Variants in QSOX2 observed in about 807,000 individuals in gnomAD.
QSOX2 encodes the protein sulfhydryl oxidase 2.
Under a neutral mutation model 61.7 loss-of-function variants are expected in QSOX2, and 46 were observed. That is an observed-to-expected ratio of 0.75 (90% CI 0.59 to 0.95). QSOX2 has a LOEUF of 0.95. Among genes scored for constraint, QSOX2 ranks in the 40% least tolerant of loss-of-function variants. QSOX2 has a pLI of 0.00. For missense variants in QSOX2, 879 were observed against 918.9 expected (o/e 0.96, Z 0.56); for synonymous variants, 383 against 388.4 (o/e 0.99, Z 0.16).
intron 1 of QSOX2, among the ~76,000 whole-genome samples, chr9:136,239,792 C>T (rs546889554): frequency 6.6e-6 from 1 of 152,118 alleles, no homozygotes; most frequent in Non-Finnish European, 1.5e-5. Flanking sequence ...CAGGGAAGGC[C>T]GAGCAGATGA....
chr9:136,211,422 T>C lies in QSOX2; in HGVS notation c.1391A>G (p.Gln464Arg). 6.2e-7 allele frequency: 1 copy of C among 1,614,130 alleles called. No homozygotes were observed. ...GGTGTGAACGTACCTCCTCATTGTC[T>C]GCAGCACAGCCTGGGGGTCGTCTTC... ...GFEDDPQAVLQTMRRYVHTFF... is the reference protein window; with the variant it reads ...GFEDDPQAVLRTMRRYVHTFF... The change falls in exon 11 of 12, where the codon CAG becomes CGG. Residue 464 changes from glutamine to arginine, a missense_variant. Physicochemically the swap from Gln to Arg is conservative, Grantham distance 43 (BLOSUM62 1). Transcript: ENST00000358701.
In QSOX2 at chr9:136,223,982, C is replaced by A. The variant is rs775034094; in HGVS notation, c.584+25G>T. The A allele has an allele frequency of 2.1e-5, 33 of 1,601,472 alleles. No homozygotes were observed. Among genetic ancestry groups the A allele is most frequent in the Middle Eastern group, 1.7e-4 (1 of 6,036 alleles). ...GCACAGTTCAACACGAGTCTAACGGCCGCCTTCTTCATGGAGCTACTCACT... is the reference window on the plus strand; with the variant it reads ...GCACAGTTCAACACGAGTCTAACGGACGCCTTCTTCATGGAGCTACTCACT... On this transcript the variant is annotated intron_variant, in intron 4 of 11. Coordinates refer to ENST00000358701, the MANE Select transcript of QSOX2 (RefSeq NM_181701.4). The surrounding 1 kb of genome is among the most constrained non-coding windows in gnomAD (Gnocchi z 4.4).
At position 136,213,921 on chromosome 9, in the gene QSOX2, C is replaced by G. The variant is rs543681954; in HGVS notation, c.1360+1233G>C. The stretch of plus-strand genomic sequence containing the variant: ...CAAGCAGCAACTCACAGAAGAACCG[C>G]CCAGCCGAGCCCAGCCCAAACTGCT... On this transcript the variant is annotated intron_variant, in intron 10 of 11. Transcript: ENST00000358701. Among the ~76,000 whole-genome samples the G allele has an allele frequency of 1.9e-3, 283 of 152,214 alleles. 1 individual carries two copies. Among genetic ancestry groups the G allele is most frequent in the African/African-American group, 6.6e-3 (272 of 41,520 alleles).
chr9:136,224,252 A>G lies in QSOX2; in HGVS notation c.479-140T>C, dbSNP rs995576498. ...GGTGGCAGCAACATGTGCAATCCCA[A>G]TGGGTGTGCCCAATGCCACCCACAG... On this transcript the variant is annotated intron_variant, in intron 3 of 11. Transcript: ENST00000358701. 27 of 643,780 alleles carry G rather than the reference A, an allele frequency of 4.2e-5. No homozygotes were observed. In the Middle Eastern group the frequency reaches 1.7e-3, roughly 40 times the overall value. The allele number at this position is 643,780 out of a possible 1,614,324, so 39.9% of individuals were successfully genotyped here.
intron 11 of QSOX2, chr9:136,210,697 GT>G (rs1342092208): frequency 2.0e-6 from 2 of 985,122 alleles, no homozygotes; most frequent in Non-Finnish European, 2.4e-6. Context: ...AAAACCAATA[GT>G]TTAGTGGCAT....
At chr9:136,224,482 C>T (rs550131432) in intron 3 of QSOX2, among the ~76,000 whole-genome samples, 1 of 152,186 alleles carries the variant, frequency 6.6e-6, no homozygotes, top group South Asian at 2.1e-4. Flanking sequence ...CCACCGGGTC[C>T]CTCACAGGCA....
intron 1 of QSOX2, among the ~76,000 whole-genome samples, chr9:136,235,825 G>A (rs555838938): frequency 2.0e-5 from 3 of 152,270 alleles, no homozygotes; most frequent in Admixed American, 2.0e-4. Flanking sequence ...CCAAGACCAC[G>A]GACTCCGGGC....
At chr9:136,235,290 C>T (rs1418755020) in intron 1 of QSOX2, among the ~76,000 whole-genome samples, 3 of 152,244 alleles carry the variant, frequency 2.0e-5, no homozygotes, top group African/African-American at 7.2e-5. Flanking sequence ...CACTCAAAGG[C>T]CACGTCCCCA....
chr9:136,212,290 C>G (rs142125593), intron 10 of QSOX2, among the ~76,000 whole-genome samples: 5 of 152,198 alleles, frequency 3.3e-5, no homozygotes, highest in African/African-American at 9.6e-5. Context: ...GGAGCTTGAA[C>G]GCACAGATAG....
Position 136,223,838 on chromosome 9 carries a change from A to C in QSOX2, c.600T>G (p.Leu200=), listed in dbSNP as rs1383296662. Residue 200 remains leucine, a synonymous_variant, in exon 5 of 12, where the codon CTT becomes CTG. Transcript: ENST00000358701. The surrounding 1 kb of genome is among the most constrained non-coding windows in gnomAD (Gnocchi z 4.4). ...RLDPIQPSDV[L]SLLDNRGSHY... ...GGCTGCCACGGTTGTCAAGAAGGGA[A>C]AGAACATCACTGGGCCTTTCAAGAG... 6.2e-7 allele frequency: 1 copy of C among 1,614,114 alleles called. No individual in the cohort carries two copies. Among genetic ancestry groups the C allele is most frequent in the Admixed American group, 1.7e-5 (1 of 60,022 alleles).
intron 9 of QSOX2, among the ~76,000 whole-genome samples, chr9:136,216,020 C>T (rs1277819295): frequency 6.6e-6 from 1 of 152,202 alleles, no homozygotes; most frequent in African/African-American, 2.4e-5. Context: ...CACGGCACGA[C>T]AAGTGCACCT....
intron 1 of QSOX2, among the ~76,000 whole-genome samples, chr9:136,228,262 T>C (rs1037682506): frequency 6.6e-6 from 1 of 152,140 alleles, no homozygotes; most frequent in African/African-American, 2.4e-5. Context: ...ACGTGTCATC[T>C]CTCACCGTTT....
At chr9:136,241,912 C>T (rs570536403) in intron 1 of QSOX2, among the ~76,000 whole-genome samples, 2 of 152,218 alleles carry the variant, frequency 1.3e-5, no homozygotes, top group Non-Finnish European at 2.9e-5. Flanking sequence ...GGGACACAGG[C>T]CCTGCCTTTA....
chr9:136,216,460 T>C, intron 9 of QSOX2, 140 bp downstream of exon 9: 1 of 1,166,470 alleles, frequency 8.6e-7, no homozygotes, highest in South Asian at 1.4e-5. Flanking sequence ...CATGATGCTG[T>C]CGTGGAGACA....
chr9:136,237,392 G>A (rs1422575787), intron 1 of QSOX2, among the ~76,000 whole-genome samples: 3 of 132,056 alleles, frequency 2.3e-5, no homozygotes, highest in African/African-American at 8.8e-5. Context: ...CTGGGCTGGC[G>A]TCACCTGGAG....
At position 136,221,849 on chromosome 9, in the gene QSOX2, T is replaced by G. The variant is rs1830217391; in HGVS notation, c.768A>C (p.Ser256=). ...KAFLEKLGVS[S]VPSCYLIYPN... is the part of the protein sequence containing the mutation. The stretch of plus-strand genomic sequence containing the variant: ...GGTAGATCAGGTAACACGAAGGGAC[T>G]GAAGAAACACCAAGTTTCTCCAGAA... Residue 256 remains serine (S), a synonymous_variant, in exon 6 of 12, where the codon TCA becomes TCC. Transcript: ENST00000358701. The surrounding 1 kb of genome is among the most constrained non-coding windows in gnomAD (Gnocchi z 4.5). The G allele has an allele frequency of 6.2e-7, 1 of 1,612,892 alleles. No individual in the cohort carries two copies. The highest frequency in any genetic ancestry group is 1.7e-5 in the Admixed American group (1 of 59,818).
chr9:136,232,453 CA>C (rs1490906669), intron 1 of QSOX2, among the ~76,000 whole-genome samples: 1 of 152,056 alleles, frequency 6.6e-6, no homozygotes, highest in Non-Finnish European at 1.5e-5. Flanking sequence ...TAGAAATATA[CA>C]AAAAATTAAG....
At chr9:136,234,378 G>A (rs1830359158) in intron 1 of QSOX2, among the ~76,000 whole-genome samples, 1 of 152,020 alleles carries the variant, frequency 6.6e-6, no homozygotes, top group African/African-American at 2.4e-5. Context: ...CCCCCAGCCC[G>A]CAAGTTGTCT....
At chr9:136,218,340 C>T (rs768904910) in intron 8 of QSOX2, among the ~76,000 whole-genome samples, 4 of 152,202 alleles carry the variant, frequency 2.6e-5, no homozygotes, top group Non-Finnish European at 5.9e-5. Context: ...CCCCGTGCAG[C>T]GCTCCTCTGA....
Sources: allele counts gnomAD v4.1 joint callset (sites outside exome capture counted in the v4.1 genomes callset), GRCh38; gene constraint gnomAD v4.1.1; non-coding constraint Gnocchi (gnomAD v3.1); transcripts MANE v1.5; gene names NCBI Gene and HGNC (gene_info 2026-07-23, HGNC 2026-07-21).